Variants in SPARCL1 observed in about 807,000 individuals in gnomAD.
The protein encoded by SPARCL1 is SPARC-like protein 1.
In SPARCL1, 52 loss-of-function variants were observed where a neutral mutation model predicts 67.1. The ratio of observed to expected loss-of-function variants is 0.78; its 90% CI spans 0.62 to 0.98. SPARCL1 has a LOEUF of 0.98. Ranked by LOEUF, SPARCL1 falls within the 50% of genes least tolerant of loss-of-function variation. The pLI is 0.00. For synonymous variants in SPARCL1, 226 were observed against 267.8 expected (o/e 0.84, Z 1.52); for missense variants, 717 against 782.4 (o/e 0.92, Z 1.00).
intron 7 of SPARCL1, among the ~76,000 whole-genome samples, chr4:87,487,944 C>T (rs1316977072): frequency 6.6e-6 from 1 of 152,190 alleles, no homozygotes; most frequent in African/African-American, 2.4e-5. Context: ...TCAGCTCCAT[C>T]AGGTCATTTA....
rs759777270 is a variant in SPARCL1 at position 87,474,743 on chromosome 4, C to CTCTT, written c.1967-941_1967-940insAAGA. 4.6e-5 allele frequency among the ~76,000 whole-genome samples: 6 copies of CTCTT among 130,712 alleles called. No homozygotes were observed. The South Asian group carries it at 9.4e-4, about 20-fold the overall frequency. 85.8% of individuals were successfully genotyped at this position (130,712 alleles called of 152,430 possible). A position where few individuals can be genotyped will look rare whatever the true frequency, so the allele number is the denominator to read the frequency against. ...CATCTGTAAAGATTTCTCTCTCTCT[C>CTCTT]TTTTTTTTTTTTTTTTTGAGACGGA... On this transcript the variant is annotated intron_variant, in intron 10 of 10. Coordinates refer to ENST00000282470, the MANE Select transcript of SPARCL1 (RefSeq NM_004684.6).
intron 1 of SPARCL1, among the ~76,000 whole-genome samples, chr4:87,513,838 T>C (rs867960932): frequency 2.6e-5 from 4 of 152,230 alleles, no homozygotes; most frequent in African/African-American, 7.2e-5. Flanking sequence ...CTATCCTATA[T>C]TCTATACTTT....
At position 87,482,524 on chromosome 4, in the gene SPARCL1, A is replaced by G; in HGVS notation, c.1568T>C (p.Phe523Ser). 2.5e-6 allele frequency: 4 copies of G among 1,614,050 alleles called. No homozygotes were observed. The highest frequency in any genetic ancestry group is 3.4e-6 in the Non-Finnish European group (4 of 1,179,928). ...GAGCCAGTCTCTCATCCGTAGAGGAAACTGAATCACTTCAAAGTCCGTACA... is the reference window on the plus strand; with the variant it reads ...GAGCCAGTCTCTCATCCGTAGAGGAGACTGAATCACTTCAAAGTCCGTACA... ...PTCTDFEVIQFPLRMRDWLKN... is the reference protein window; with the variant it reads ...PTCTDFEVIQSPLRMRDWLKN... The change falls in exon 8 of 11, where the codon TTT (phenylalanine) becomes TCT (serine). Residue 523 changes from phenylalanine (F) to serine (S), a missense_variant. Coordinates refer to ENST00000282470, the MANE Select transcript of SPARCL1 (RefSeq NM_004684.6).
At chr4:87,500,825 C>T (rs923812184) in intron 1 of SPARCL1, among the ~76,000 whole-genome samples, 5 of 151,944 alleles carry the variant, frequency 3.3e-5, no homozygotes, top group Non-Finnish European at 7.3e-5. Flanking sequence ...CACTTCTCTT[C>T]CTCCTTTCTC....
In SPARCL1 at chr4:87,474,086, T is replaced by C. The variant is rs183035643; in HGVS notation, c.1967-283A>G. Among the ~76,000 whole-genome samples, 20 of 152,232 alleles carry C rather than the reference T, an allele frequency of 1.3e-4. No individual in the cohort carries two copies. The East Asian group carries it at 3.7e-3, about 28-fold the overall frequency. On this transcript the variant is annotated intron_variant, in intron 10 of 10. Transcript: ENST00000282470. The stretch of plus-strand genomic sequence containing the variant: ...TGGCTGCAGGGTTGAGAACCACTGA[T>C]AGAGGAAGAGCAGGTTAACGGGAGG...
chr4:87,507,882 C>T (rs1373280656), intron 1 of SPARCL1, among the ~76,000 whole-genome samples: 2 of 152,194 alleles, frequency 1.3e-5, no homozygotes, highest in Admixed American at 1.3e-4. Context: ...CATCACAGAA[C>T]TCAGGGAAAC....
chr4:87,523,903 C>CTTAT (rs1725927470), intron 1 of SPARCL1, among the ~76,000 whole-genome samples: 2 of 152,066 alleles, frequency 1.3e-5, no homozygotes, highest in African/African-American at 4.8e-5. Flanking sequence ...TATGTTTGGT[C>CTTAT]CTATGCAGTT....
In SPARCL1 at chr4:87,479,512, G is replaced by T. The variant is rs1338574490; in HGVS notation, c.1884C>A (p.Thr628=). The change falls in exon 10 of 11, where the codon ACC becomes ACA. Residue 628 remains threonine, a synonymous_variant. Coordinates refer to ENST00000282470, the MANE Select transcript of SPARCL1 (RefSeq NM_004684.6). The part of the protein sequence containing the change: ...ASLVPMEHCI[T]RFFEECDPNK... ...TGGGGTCACACTCCTCAAAGAAACG[G>T]GTTATGCAGTGTTCCATGGGCACCA... The T allele has an allele frequency of 6.2e-7, 1 of 1,613,946 alleles. No individual in the cohort carries two copies. The highest frequency in any genetic ancestry group is 1.3e-5 in the African/African-American group (1 of 74,892).
intron 1 of SPARCL1, among the ~76,000 whole-genome samples, chr4:87,527,958 G>A (rs1050782899): frequency 1.3e-5 from 2 of 151,884 alleles, no homozygotes; most frequent in African/African-American, 2.4e-5. Flanking sequence ...ACGAGAAAGG[G>A]GAGAATAAAA....
intron 7 of SPARCL1, 25 bp from the exon 8 acceptor site, chr4:87,482,585 T>C (rs1300597279): frequency 6.2e-7 from 1 of 1,613,364 alleles, no homozygotes; most frequent in Non-Finnish European, 8.5e-7. Context: ...AAATGTACTG[T>C]AATCTTTGGG....
At chr4:87,527,117 A>G (rs1291291326) in intron 1 of SPARCL1, among the ~76,000 whole-genome samples, 1 of 152,210 alleles carries the variant, frequency 6.6e-6, no homozygotes, top group East Asian at 1.9e-4. Context: ...CATCAAGACC[A>G]TGCACTCTGT....
At chr4:87,499,614 G>A (rs764012570) in intron 1 of SPARCL1, 29 bp from the exon 2 acceptor site, 1 of 1,534,100 alleles carries the variant, frequency 6.5e-7, no homozygotes, top group African/African-American at 1.4e-5. Flanking sequence ...ATTATCAGTG[G>A]CAGGGAAAAG....
chr4:87,493,285 G>T (rs1351515234), intron 4 of SPARCL1, among the ~76,000 whole-genome samples: 2 of 152,188 alleles, frequency 1.3e-5, no homozygotes, highest in African/African-American at 2.4e-5. Flanking sequence ...TGGCTTGAAT[G>T]ATGTTCCTTT....
chr4:87,528,650 A>T (rs1726152220), intron 1 of SPARCL1: 1 of 152,170 alleles, frequency 6.6e-6, no homozygotes, highest in Non-Finnish European at 1.5e-5. Context: ...CATACAAATT[A>T]TTTGATTTGA....
At chr4:87,473,910 T>A (rs897592369) in intron 10 of SPARCL1, 107 bp from the exon 11 acceptor site, 1 of 696,098 alleles carries the variant, frequency 1.4e-6, no homozygotes, top group Admixed American at 2.5e-5. Flanking sequence ...TAAGGCAGTA[T>A]AATGGTGATC....
At position 87,490,078 on chromosome 4, in the gene SPARCL1, A is replaced by G. The variant is rs907380163; in HGVS notation, c.1531+195T>C. ...TAAAAAAAACAATGTCAGGATTCCA[A>G]CCTAGTTCAGTTAAATCAGAATCTC... On this transcript the variant is annotated intron_variant, in intron 7 of 10. Coordinates refer to ENST00000282470, the MANE Select transcript of SPARCL1 (RefSeq NM_004684.6). Among the ~76,000 whole-genome samples the G allele has an allele frequency of 3.9e-5, 6 of 152,204 alleles. 1 individual carries two copies. Among genetic ancestry groups the G allele is most frequent in the Non-Finnish European group, 8.8e-5 (6 of 68,038 alleles).
At chr4:87,490,231 C>A in intron 7 of SPARCL1, 42 bp downstream of exon 7, 1 of 1,571,594 alleles carries the variant, frequency 6.4e-7, no homozygotes, top group Admixed American at 1.9e-5. Context: ...TCACCCCAAG[C>A]CCTCTCAGAG....
At chr4:87,520,592 A>G (rs1246543030) in intron 1 of SPARCL1, among the ~76,000 whole-genome samples, 1 of 152,224 alleles carries the variant, frequency 6.6e-6, no homozygotes, top group African/African-American at 2.4e-5. Context: ...AAGGCAGAGC[A>G]CAAGCATATC....
rs1309172188 is a variant in SPARCL1 at position 87,494,321 on chromosome 4, C to T, written c.479G>A (p.Arg160Lys). 2 of 1,614,034 alleles carry T rather than the reference C, an allele frequency of 1.2e-6. No homozygotes were observed. Among genetic ancestry groups the T allele is most frequent in the African/African-American group, 1.3e-5 (1 of 74,910 alleles). ...DSNQQESITK[R>K]EENQEQPRNY... Reference sequence around the variant, plus strand: ...TCTAGGTTGTTCTTGGTTTTCCTCTCTCTTTGTGATACTTTCTTGTTGGTT... The same window carrying T: ...TCTAGGTTGTTCTTGGTTTTCCTCTTTCTTTGTGATACTTTCTTGTTGGTT... Residue 160 changes from arginine to lysine, a missense_variant, in exon 4 of 11, where the codon AGA becomes AAA. Coordinates refer to ENST00000282470, the MANE Select transcript of SPARCL1 (RefSeq NM_004684.6).
Sources: gnomAD v4.1 joint callset for allele counts (sites outside exome capture counted in the v4.1 genomes callset) on GRCh38, gnomAD v4.1.1 for gene constraint, MANE v1.5 for transcripts, NCBI Gene and HGNC (gene_info 2026-07-23, HGNC 2026-07-21) for gene names.